Variants in PIK3C2G observed in about 807,000 individuals in gnomAD.
PIK3C2G encodes the protein phosphatidylinositol-4-phosphate 3-kinase catalytic subunit type 2 gamma, also known as phosphatidylinositol 3-kinase C2 domain-containing subunit gamma.
A neutral mutation model predicts 181.1 loss-of-function variants in PIK3C2G; 168 were observed. That is an observed-to-expected ratio of 0.93 (90% CI 0.82 to 1.05). The LOEUF is 1.05. PIK3C2G is among the 50% of genes least tolerant of loss of function. The probability of loss-of-function intolerance (pLI) is 0.00; values close to 1 mark genes in which losing one functional copy is unlikely to be tolerated. For synonymous variants in PIK3C2G, 573 were observed against 592.2 expected (o/e 0.97, Z 0.47); for missense variants, 1,869 against 1,732.8 (o/e 1.08, Z -1.40).
At chr12:18,559,817 TATATAG>T (rs1565507574) in intron 26 of PIK3C2G, among the ~76,000 whole-genome samples, 1 of 22,176 alleles carries the variant, frequency 4.5e-5, no homozygotes, top group African/African-American at 1.6e-4. Flanking sequence ...TATATATATA[TATATAG>T]AGAGAGAGAG....
At chr12:18,653,632 G>A in the PIK3C2G span, among the ~76,000 whole-genome samples, 1 of 152,080 alleles carries the variant, frequency 6.6e-6, no homozygotes, top group Non-Finnish European at 1.5e-5. Flanking sequence ...AGCACTGGAG[G>A]AGACAAAACC....
At chr12:18,455,669 C>G (rs4569054) in intron 18 of PIK3C2G, among the ~76,000 whole-genome samples, 23,565 of 151,896 alleles carry the variant, frequency 0.16, 2,067 homozygotes, top group African/African-American at 0.23. Context: ...CCTGCTTCAC[C>G]GACAGCTGTC....
chr12:18,299,431 G>T (rs1950082875), intron 5 of PIK3C2G, among the ~76,000 whole-genome samples: 1 of 151,852 alleles, frequency 6.6e-6, no homozygotes, highest in South Asian at 2.1e-4. Context: ...TCAGTTTACA[G>T]AGTTTTTTGG....
intron 9 of PIK3C2G, among the ~76,000 whole-genome samples, chr12:18,342,557 A>C (rs1939242413): frequency 6.6e-6 from 1 of 151,952 alleles, no homozygotes; most frequent in Non-Finnish European, 1.5e-5. Context: ...TGTTAATTAA[A>C]ATGGATCTTA....
intron 24 of PIK3C2G, among the ~76,000 whole-genome samples, chr12:18,514,240 G>A (rs1044586705): frequency 2.6e-5 from 4 of 151,576 alleles, no homozygotes; most frequent in Non-Finnish European, 5.9e-5. Context: ...GTTTTCTTTT[G>A]TGACCTTACA....
rs537742383 is a variant in PIK3C2G at position 18,566,987 on chromosome 12, A to G, written c.3941A>G (p.Asp1314Gly). The G allele has an allele frequency of 1.2e-6, 2 of 1,602,028 alleles. No individual in the cohort carries two copies. The highest frequency in any genetic ancestry group is 2.2e-5 in the South Asian group (2 of 90,396). ...TGGCACCTACCTTTTACAAATTCAG[A>G]TCACAGAAGATTCAGAGATCTAAAT... ...HWWHLPFTNS[D>G]HRRFRDLNHY... The change falls in exon 29 of 33, where the codon GAT (aspartate) becomes GGT (glycine). Residue 1314 changes from aspartate (D) to glycine (G), a missense_variant. Coordinates refer to ENST00000538779, the MANE Select transcript of PIK3C2G (RefSeq NM_001288772.2).
chr12:18,700,254 G>C, the PIK3C2G span, among the ~76,000 whole-genome samples: 1 of 151,558 alleles, frequency 6.6e-6, no homozygotes, highest in Non-Finnish European at 1.5e-5. Flanking sequence ...ATAATTTTAG[G>C]AATTTTTGTC....
chr12:18,414,512 A>G (rs1159020913), intron 16 of PIK3C2G, among the ~76,000 whole-genome samples: 2 of 152,036 alleles, frequency 1.3e-5, no homozygotes, highest in Non-Finnish European at 2.9e-5. Flanking sequence ...ATTTCATTAA[A>G]CTTTTTTACT....
At chr12:18,706,242 AT>A in the PIK3C2G span, among the ~76,000 whole-genome samples, 2 of 151,084 alleles carry the variant, frequency 1.3e-5, no homozygotes, top group East Asian at 1.9e-4. Context: ...AAAAATAAAA[AT>A]AAAAAAAAAA....
chr12:18,245,366 T>C (rs759288615), upstream of PIK3C2G, among the ~76,000 whole-genome samples: 20 of 152,192 alleles, frequency 1.3e-4, no homozygotes, highest in Non-Finnish European at 2.5e-4. Context: ...ACCTACTCCG[T>C]AGTGAAAGAT....
the PIK3C2G span, among the ~76,000 whole-genome samples, chr12:18,721,772 T>A: frequency 1.3e-5 from 2 of 151,690 alleles, no homozygotes; most frequent in East Asian, 3.9e-4. Context: ...ATATAGTCGC[T>A]TAGTATTCTT....
intron 7 of PIK3C2G, among the ~76,000 whole-genome samples, chr12:18,321,374 AG>A (rs1172293147): frequency 6.6e-6 from 1 of 152,220 alleles, no homozygotes; most frequent in Admixed American, 6.5e-5. Flanking sequence ...AATACTTCGA[AG>A]GTAACCATCT....
Position 18,546,140 on chromosome 12 carries a change from C to A in PIK3C2G, c.3481-183C>A, listed in dbSNP as rs1352367756. On this transcript the variant is annotated intron_variant, in intron 25 of 32. Coordinates refer to ENST00000538779, the MANE Select transcript of PIK3C2G (RefSeq NM_001288772.2). ...GTTATAGTTGTTATTGCTGTTGTCT[C>A]TACTACTTAATAGAAGAGATTAAAA... Among the ~76,000 whole-genome samples, 3 of 151,900 alleles carry A rather than the reference C, an allele frequency of 2.0e-5. No individual in the cohort carries two copies. In the East Asian group the frequency reaches 5.8e-4, roughly 29 times the overall value.
At chr12:18,584,060 G>A (rs1044332333) in intron 29 of PIK3C2G, among the ~76,000 whole-genome samples, 7 of 150,456 alleles carry the variant, frequency 4.7e-5, no homozygotes, top group East Asian at 1.9e-4. Flanking sequence ...ACAGAGTCTC[G>A]CTCTGTCGCC....
intron 18 of PIK3C2G, among the ~76,000 whole-genome samples, chr12:18,433,496 A>G (rs1244623403): frequency 6.6e-6 from 1 of 152,184 alleles, no homozygotes; most frequent in African/African-American, 2.4e-5. Flanking sequence ...ATTGCACTCC[A>G]GCCTGGGTGA....
chr12:18,548,069 C>G (rs756197705), intron 26 of PIK3C2G, among the ~76,000 whole-genome samples: 94 of 152,008 alleles, frequency 6.2e-4, no homozygotes, highest in Middle Eastern at 6.8e-3. Flanking sequence ...CTGTTTAACC[C>G]GAGTACAAAA....
upstream of PIK3C2G, among the ~76,000 whole-genome samples, chr12:18,259,642 A>T (rs1249138371): frequency 6.6e-6 from 1 of 152,176 alleles, no homozygotes; most frequent in Non-Finnish European, 1.5e-5. Context: ...AAGTTTTAGA[A>T]GGCTGTTCAC....
intron 31 of PIK3C2G, among the ~76,000 whole-genome samples, chr12:18,624,094 G>A (rs953941494): frequency 6.6e-6 from 1 of 151,600 alleles, no homozygotes; most frequent in Admixed American, 6.6e-5. Context: ...GTTAGAGTAG[G>A]CATCCTTTTC....
chr12:18,517,390 C>T lies in PIK3C2G; in HGVS notation c.3323+11929C>T, dbSNP rs140864093. Among the ~76,000 whole-genome samples the T allele has an allele frequency of 1.4e-4, 22 of 152,128 alleles. No individual in the cohort carries two copies. The East Asian group carries it at 2.7e-3, about 19-fold the overall frequency. On this transcript the variant is annotated intron_variant, in intron 24 of 32. Transcript: ENST00000538779. Reference sequence around the variant, plus strand: ...GATGGGATGTTTTTCCATTTGTTTGCGTCTTCTTTTATTTCCTTGAGCAGT... The same window carrying T: ...GATGGGATGTTTTTCCATTTGTTTGTGTCTTCTTTTATTTCCTTGAGCAGT...
Sources: gnomAD v4.1 joint callset for allele counts (sites outside exome capture counted in the v4.1 genomes callset) on GRCh38, gnomAD v4.1.1 for gene constraint, MANE v1.5 for transcripts, NCBI Gene and HGNC (gene_info 2026-07-23, HGNC 2026-07-21) for gene names.